The following PMEPA1 variants were observed in gnomAD, a reference collection of about 807,000 sequenced individuals.
PMEPA1 encodes the protein protein TMEPAI.
Under a neutral mutation model 23.0 loss-of-function variants are expected in PMEPA1, and 11 were observed. That is an observed-to-expected ratio of 0.48 (90% CI 0.30 to 0.79). The LOEUF is 0.79. PMEPA1 is among the 30% of genes least tolerant of loss of function. PMEPA1 has a pLI of 0.06. For synonymous variants in PMEPA1, 204 were observed against 166.4 expected (o/e 1.23, Z -1.74); for missense variants, 377 against 390.9 (o/e 0.96, Z 0.30).
chr20:57,660,621 TAC>T (rs748907946), intron 1 of PMEPA1, among the ~76,000 whole-genome samples: 8 of 126,340 alleles, frequency 6.3e-5, no homozygotes, highest in East Asian at 2.3e-4. Flanking sequence ...CTAACACTCC[TAC>T]ACACACAACA....
At chr20:57,688,035 C>T (rs902057375) in intron 1 of PMEPA1, among the ~76,000 whole-genome samples, 3 of 152,270 alleles carry the variant, frequency 2.0e-5, no homozygotes, top group East Asian at 1.9e-4. Flanking sequence ...AAGGTCAGGC[C>T]GGGTGGTTCA....
In PMEPA1 at chr20:57,682,241, G is replaced by A. The variant is rs1253378908; in HGVS notation, c.110-22544C>T. 3.9e-5 allele frequency among the ~76,000 whole-genome samples: 6 copies of A among 152,336 alleles called. No individual in the cohort carries two copies. The highest frequency in any genetic ancestry group is 3.4e-3 in the Middle Eastern group (1 of 294). On this transcript the variant is annotated intron_variant, in intron 1 of 3. Coordinates refer to ENST00000341744, the MANE Select transcript of PMEPA1 (RefSeq NM_020182.5). This position sits in a 1 kb window ranked among gnomAD's most constrained non-coding sequence, Gnocchi z 4.4. ...GCTACCTTCGATGGGAGGTGACGGC[G>A]TAGCAAAGGCTCCCAGTGGGAATGA...
At chr20:57,700,719 A>T (rs2071999706) in intron 1 of PMEPA1, among the ~76,000 whole-genome samples, 1 of 152,184 alleles carries the variant, frequency 6.6e-6, no homozygotes, top group African/African-American at 2.4e-5. Flanking sequence ...ATAACAAATG[A>T]TTTTAGTTAA....
rs2071219999 is a variant in PMEPA1, at chr20:57,651,038, A to G, written c.*1015T>C. On this transcript the variant is annotated 3_prime_UTR_variant, in exon 4 of 4. Coordinates refer to ENST00000341744, the MANE Select transcript of PMEPA1 (RefSeq NM_020182.5). ...CCCCACGGGGACCTTCACAGTTGGA[A>G]AAAAGAAGAGGAAAAACTAATTCCT... The G allele has an allele frequency of 6.6e-6, 1 of 152,252 alleles. No homozygotes were observed. Among genetic ancestry groups the G allele is most frequent in the African/African-American group, 2.4e-5 (1 of 41,460 alleles). The allele number at this position is 152,252 out of a possible 1,614,324, so 9.4% of individuals were successfully genotyped here.
At chr20:57,667,774 C>A (rs2071514863) in intron 1 of PMEPA1, among the ~76,000 whole-genome samples, 1 of 152,204 alleles carries the variant, frequency 6.6e-6, no homozygotes, top group South Asian at 2.1e-4. Flanking sequence ...CCCAGCGGCC[C>A]TGGGGTTCCA....
rs75173031 is a variant in PMEPA1 at position 57,693,807 on chromosome 20, A to T, written c.109+15667T>A. On this transcript the variant is annotated intron_variant, in intron 1 of 3. Transcript: ENST00000341744. ...CTGCGACCTGGGGCAGGATACAGACACTCTGAGTCTCAGCAGGCTCTTCTG... is the reference window on the plus strand; with the variant it reads ...CTGCGACCTGGGGCAGGATACAGACTCTCTGAGTCTCAGCAGGCTCTTCTG... Among the ~76,000 whole-genome samples the T allele has an allele frequency of 7.0e-3, 1,070 of 152,210 alleles. 6 individuals are homozygous for T. Among genetic ancestry groups the T allele is most frequent in the African/African-American group, 0.025 (1,033 of 41,522 alleles).
intron 1 of PMEPA1, chr20:57,690,708 T>C (rs1556176): frequency 0.19 from 109,487 of 591,294 alleles, 13,825 homozygotes; most frequent in East Asian, 0.56. Flanking sequence ...TGGCTTCTTC[T>C]GAGTTTTGTA....
Position 57,649,767 on chromosome 20 carries a change from T to C in PMEPA1, c.*2286A>G, listed in dbSNP as rs1387018572. The C allele has an allele frequency of 6.6e-6, 1 of 152,320 alleles. No individual in the cohort carries two copies. Among genetic ancestry groups the C allele is most frequent in the Admixed American group, 6.6e-5 (1 of 15,254 alleles). The allele number at this position is 152,320 out of a possible 1,614,324, so 9.4% of individuals were successfully genotyped here. On this transcript the variant is annotated 3_prime_UTR_variant, in exon 4 of 4. Transcript: ENST00000341744. The stretch of plus-strand genomic sequence containing the variant: ...ACAGGGTGAGGACGCGCGAGGATGA[T>C]GGGGTGTCTGAAAAGCAGGAGCCCT...
chr20:57,683,062 AC>A lies in PMEPA1; in HGVS notation c.110-23366del, dbSNP rs1486620815. On this transcript the variant is annotated intron_variant, in intron 1 of 3. Coordinates refer to ENST00000341744, the MANE Select transcript of PMEPA1 (RefSeq NM_020182.5). This position sits in a 1 kb window ranked among gnomAD's most constrained non-coding sequence, Gnocchi z 4.3. The stretch of plus-strand genomic sequence containing the variant: ...CAGACCTTTTTCAATGTCATCTCTC[AC>A]GCCGCAGTCTCCGGGGGCATTTACG... Among the ~76,000 whole-genome samples the A allele has an allele frequency of 6.6e-6, 1 of 152,194 alleles. No homozygotes were observed. Among genetic ancestry groups the A allele is most frequent in the Non-Finnish European group, 1.5e-5 (1 of 68,036 alleles).
intron 2 of PMEPA1, 23 bp from the exon 3 acceptor site, chr20:57,653,109 G>A (rs1340796627): frequency 6.4e-7 from 1 of 1,567,180 alleles, no homozygotes. Context: ...AAACGTACAA[G>A]CAGGGTCAGT....
chr20:57,671,987 A>C (rs1294311034), intron 1 of PMEPA1, among the ~76,000 whole-genome samples: 2 of 152,274 alleles, frequency 1.3e-5, no homozygotes, highest in African/African-American at 4.8e-5. Context: ...ATTGTGGGGC[A>C]GAAATAATGA....
upstream of PMEPA1, chr20:57,710,961 C>T (rs531872259): frequency 4.6e-5 from 7 of 152,736 alleles, no homozygotes; most frequent in East Asian, 1.3e-3. Flanking sequence ...CCTACCTGTG[C>T]CAGAAACTCT....
intron 1 of PMEPA1, among the ~76,000 whole-genome samples, chr20:57,699,636 AG>A (rs1440127731): frequency 6.6e-6 from 1 of 152,248 alleles, no homozygotes; most frequent in African/African-American, 2.4e-5. Context: ...AGGGGTAACT[AG>A]GCAACTGAGA....
chr20:57,691,814 C>T (rs1338100940), intron 1 of PMEPA1: 1 of 152,252 alleles, frequency 6.6e-6, no homozygotes, highest in African/African-American at 2.4e-5. Context: ...CACTGGTGCC[C>T]GCAGCCCTCG....
At position 57,654,409 on chromosome 20, in the gene PMEPA1, C is replaced by T. The variant is rs573248195; in HGVS notation, c.265-1323G>A. On this transcript the variant is annotated intron_variant, in intron 2 of 3. Transcript: ENST00000341744. ...TCCCAGGTAGGATACCGCTCACCTG[C>T]AGCCTGGGTAGGAACGGCCAGAGGG... Among the ~76,000 whole-genome samples, 9 of 152,228 alleles carry T rather than the reference C, an allele frequency of 5.9e-5. No homozygotes were observed. The South Asian group carries it at 1.9e-3, about 32-fold the overall frequency.
intron 1 of PMEPA1, chr20:57,690,729 C>T: frequency 2.5e-6 from 1 of 400,502 alleles, no homozygotes; most frequent in East Asian, 8.0e-5. Flanking sequence ...AGTGACACGC[C>T]CAGCCGACCC....
rs776285575 is a variant in PMEPA1 at position 57,709,585 on chromosome 20, ACGGCGCGG to A, written c.-11_-4del. On this transcript the variant is annotated 5_prime_UTR_variant, in exon 1 of 4. Transcript: ENST00000341744. ...TTGACCCCCATCAAGCGGTGCATGGACGGCGCGGCGGCGCGGCGCGGGGCGCGGGGGGC... is the reference window on the plus strand; with the variant it reads ...TTGACCCCCATCAAGCGGTGCATGGACGGCGCGGCGCGGGGCGCGGGGGGC... The A allele has an allele frequency of 1.5e-5, 15 of 988,302 alleles. No individual in the cohort carries two copies. Among genetic ancestry groups the A allele is most frequent in the African/African-American group, 5.8e-5 (3 of 52,010 alleles). The allele number at this position is 988,302 out of a possible 1,614,324, so 61.2% of individuals were successfully genotyped here.
chr20:57,680,308 G>A (rs80120540), intron 1 of PMEPA1, among the ~76,000 whole-genome samples: 3,775 of 152,346 alleles, frequency 0.025, 145 homozygotes, highest in African/African-American at 0.082. Flanking sequence ...GGACCTCAAG[G>A]GCAGCTGCTA....
intron 1 of PMEPA1, chr20:57,690,484 C>CT: frequency 7.7e-7 from 1 of 1,303,190 alleles, no homozygotes. Flanking sequence ...GTGTATATCA[C>CT]TTTTTACAAT....
Sources: allele counts gnomAD v4.1 joint callset (sites outside exome capture counted in the v4.1 genomes callset), GRCh38; gene constraint gnomAD v4.1.1; non-coding constraint Gnocchi (gnomAD v3.1); transcripts MANE v1.5; gene names NCBI Gene and HGNC (gene_info 2026-07-23, HGNC 2026-07-21).